PDS5B: variants seen among roughly 807,000 people sequenced by gnomAD.
PDS5B encodes PDS5 cohesin associated factor B.
Under a neutral mutation model 184.1 loss-of-function variants are expected in PDS5B, and 51 were observed. The ratio of observed to expected loss-of-function variants is 0.28; its 90% CI spans 0.22 to 0.35. PDS5B has a LOEUF of 0.35. Among genes scored for constraint, PDS5B ranks in the 10% least tolerant of loss-of-function variants. The pLI is 1.00. For synonymous variants in PDS5B, 566 were observed against 569.2 expected (o/e 0.99, Z 0.08); for missense variants, 1,180 against 1,723.3 (o/e 0.68, Z 5.58).
At chr13:32,660,258 T>C (rs1045662503) in intron 6 of PDS5B, among the ~76,000 whole-genome samples, 1 of 152,208 alleles carries the variant, frequency 6.6e-6, no homozygotes, top group Non-Finnish European at 1.5e-5. Flanking sequence ...GCAGAGGCTC[T>C]TCCCATCGTC....
chr13:32,671,967 T>C (rs892104605), intron 7 of PDS5B, among the ~76,000 whole-genome samples: 7 of 152,242 alleles, frequency 4.6e-5, no homozygotes, highest in Non-Finnish European at 8.8e-5. Flanking sequence ...TTGACAGTTA[T>C]GCCATGCATC....
intron 2 of PDS5B, chr13:32,650,311 C>T (rs1950337800): frequency 6.6e-6 from 1 of 152,108 alleles, no homozygotes. Context: ...TAGCAGTAAT[C>T]CAGTTATACT....
At chr13:32,688,682 A>G (rs1951463202) in intron 13 of PDS5B, 113 bp downstream of exon 13, 2 of 731,524 alleles carry the variant, frequency 2.7e-6, no homozygotes, top group Non-Finnish European at 4.9e-6. Flanking sequence ...TAGTGTAAAC[A>G]TTGTTTAAAG....
intron 19 of PDS5B, among the ~76,000 whole-genome samples, chr13:32,717,608 T>A (rs1409185271): frequency 7.9e-5 from 11 of 138,966 alleles, no homozygotes; most frequent in Non-Finnish European, 1.1e-4. Context: ...TTCACTTGTT[T>A]ATCTGCTGAC....
chr13:32,742,477 TTTTTC>T (rs1195496328), intron 22 of PDS5B, 109 bp from the exon 23 acceptor site: 22 of 799,214 alleles, frequency 2.8e-5, no homozygotes, highest in African/African-American at 3.5e-5. Flanking sequence ...AGAAAAGAAT[TTTTTC>T]TTTTCTTAAA....
chr13:32,703,148 TA>T (rs201915258), intron 17 of PDS5B, among the ~76,000 whole-genome samples: 2 of 151,126 alleles, frequency 1.3e-5, no homozygotes, highest in South Asian at 2.1e-4. Flanking sequence ...GACAAACAAT[TA>T]AAAAAAAATC....
At position 32,717,046 on chromosome 13, in the gene PDS5B, C is replaced by T. The variant is rs1462169773; in HGVS notation, c.2123+6940C>T. On this transcript the variant is annotated intron_variant, in intron 19 of 34. Coordinates refer to ENST00000315596, the MANE Select transcript of PDS5B (RefSeq NM_015032.4). ...GGGGTCAGCCCCCCGCCCGGCCAGC[C>T]GCCTCGTCCGGGAGGGAGGTGGGGG... 2.0e-4 allele frequency among the ~76,000 whole-genome samples: 27 copies of T among 136,730 alleles called. No homozygotes were observed. In the East Asian group the frequency reaches 4.1e-3, roughly 21 times the overall value. 89.7% of individuals were successfully genotyped at this position (136,730 alleles called of 152,430 possible).
At chr13:32,772,354 C>T (rs1018382447) in intron 33 of PDS5B, among the ~76,000 whole-genome samples, 3 of 152,118 alleles carry the variant, frequency 2.0e-5, no homozygotes, top group Non-Finnish European at 2.9e-5. Flanking sequence ...ACAAAACAGA[C>T]GTGGTACTTG....
Position 32,776,605 on chromosome 13 carries a change from A to G in PDS5B, c.*1553A>G, listed in dbSNP as rs1357405910. The G allele has an allele frequency of 6.6e-6, 1 of 152,164 alleles. No homozygotes were observed. Among genetic ancestry groups the G allele is most frequent in the Non-Finnish European group, 1.5e-5 (1 of 67,912 alleles). The allele number at this position is 152,164 out of a possible 1,614,324, so 9.4% of individuals were successfully genotyped here. A position where few individuals can be genotyped will look rare whatever the true frequency, so the allele number is the denominator to read the frequency against. ...TTCATGGTTAACACCAGAGGGGAAA[A>G]AATCATATTCTAACTTATTAAATTT... is the stretch of plus-strand genomic sequence containing the variant. On this transcript the variant is annotated 3_prime_UTR_variant, in exon 35 of 35. Transcript: ENST00000315596.
chr13:32,675,662 A>G (rs766304227), intron 8 of PDS5B, among the ~76,000 whole-genome samples, 182 bp from the exon 9 acceptor site: 57 of 152,204 alleles, frequency 3.7e-4, no homozygotes, highest in Non-Finnish European at 7.6e-4. Flanking sequence ...TAATTAGAGC[A>G]TTTATGATGA....
At chr13:32,710,250 C>CT (rs1952162670) in intron 19 of PDS5B, 144 bp downstream of exon 19, 1 of 513,216 alleles carries the variant, frequency 1.9e-6, no homozygotes, top group Non-Finnish European at 3.2e-6. Flanking sequence ...TTAGATTCTC[C>CT]TTTCCTGGGA....
At chr13:32,706,235 G>A (rs993172049) in intron 17 of PDS5B, among the ~76,000 whole-genome samples, 4 of 151,540 alleles carry the variant, frequency 2.6e-5, no homozygotes, top group African/African-American at 7.3e-5. Flanking sequence ...CCGAGATCAC[G>A]CCACTGCACT....
chr13:32,653,993 C>A (rs1950434965), intron 3 of PDS5B, among the ~76,000 whole-genome samples: 1 of 152,164 alleles, frequency 6.6e-6, no homozygotes, highest in African/African-American at 2.4e-5. Context: ...CATATCTGTT[C>A]TGTTTCTAAC....
At chr13:32,685,850 G>A (rs1183491518) in intron 11 of PDS5B, among the ~76,000 whole-genome samples, 1 of 151,944 alleles carries the variant, frequency 6.6e-6, no homozygotes, top group East Asian at 1.9e-4. Context: ...ATGTTGCCTA[G>A]GCTGGTCTCG....
chr13:32,654,743 C>T (rs945767339), intron 3 of PDS5B, among the ~76,000 whole-genome samples: 2 of 152,130 alleles, frequency 1.3e-5, no homozygotes, highest in African/African-American at 4.8e-5. Context: ...TTCATATGTA[C>T]TCAATGTTTA....
At chr13:32,654,228 A>T (rs1239270032) in intron 3 of PDS5B, among the ~76,000 whole-genome samples, 1 of 152,180 alleles carries the variant, frequency 6.6e-6, no homozygotes, top group Non-Finnish European at 1.5e-5. Flanking sequence ...GCAAATTCGT[A>T]TATCTGTATG....
At chr13:32,774,797 TTC>T (rs2141049929) in intron 34 of PDS5B, among the ~76,000 whole-genome samples, 1 of 152,310 alleles carries the variant, frequency 6.6e-6, no homozygotes, top group East Asian at 1.9e-4. Flanking sequence ...ATTTTTTTCT[TTC>T]ACTGTTCTGG....
At chr13:32,667,401 T>C (rs762428622) in intron 6 of PDS5B, among the ~76,000 whole-genome samples, 6 of 152,134 alleles carry the variant, frequency 3.9e-5, no homozygotes, top group African/African-American at 1.4e-4. Context: ...TTCATTCTCT[T>C]AGGATATTTT....
chr13:32,587,828 T>C (rs892911047), intron 1 of PDS5B, among the ~76,000 whole-genome samples: 1 of 152,224 alleles, frequency 6.6e-6, no homozygotes, highest in Non-Finnish European at 1.5e-5. Flanking sequence ...GTTGATGAAA[T>C]AGTTTCGAAA....
Sources: allele counts gnomAD v4.1 joint callset (sites outside exome capture counted in the v4.1 genomes callset), GRCh38; gene constraint gnomAD v4.1.1; transcripts MANE v1.5; gene names NCBI Gene and HGNC (gene_info 2026-07-23, HGNC 2026-07-21).